Variants in LRRC34 observed in about 807,000 individuals in gnomAD.
The protein encoded by LRRC34 is leucine rich repeat containing 34.
In LRRC34, 44 loss-of-function variants were observed where a neutral mutation model predicts 48.5. That is an observed-to-expected ratio of 0.91 (90% CI 0.71 to 1.17). The LOEUF (loss-of-function observed/expected upper bound fraction) is 1.17, where lower values mean the gene tolerates loss of function less well. LRRC34 is among the 50% of genes most tolerant of loss of function. The probability of loss-of-function intolerance (pLI) is 0.00; values close to 1 mark genes in which losing one functional copy is unlikely to be tolerated. For synonymous variants in LRRC34, 192 were observed against 197.6 expected, an observed-to-expected ratio of 0.97 and a Z score of 0.24; for missense variants, 502 against 563.0, an observed-to-expected ratio of 0.89 and a Z score of 1.10.
intron 5 of LRRC34, among the ~76,000 whole-genome samples, chr3:169,806,316 T>TA (rs552128058): frequency 4.2e-4 from 64 of 152,228 alleles, no homozygotes; most frequent in Non-Finnish European, 8.7e-4. Flanking sequence ...GTAAAACTCT[T>TA]AAAAAAACAT....
At position 169,793,839 on chromosome 3, in the gene LRRC34, C is replaced by T; in HGVS notation, c.1192-1G>A. The T allele has an allele frequency of 6.3e-7, 1 of 1,592,518 alleles. No individual in the cohort carries two copies. Among genetic ancestry groups the T allele is most frequent in the Non-Finnish European group, 8.5e-7 (1 of 1,171,854 alleles). On this transcript the variant is annotated splice_acceptor_variant, in intron 10 of 10. Transcript: ENST00000446859. LOFTEE classifies it high-confidence loss of function. ...CCATTTGAATTAAGTCTGAATATGCCTAGGATTTTTAGGAAAAAAACTATA... is the reference window on the plus strand; with the variant it reads ...CCATTTGAATTAAGTCTGAATATGCTTAGGATTTTTAGGAAAAAAACTATA...
chr3:169,810,656 TAAG>T (rs1779529194), intron 1 of LRRC34, among the ~76,000 whole-genome samples: 1 of 152,176 alleles, frequency 6.6e-6, no homozygotes, highest in Admixed American at 6.6e-5. Flanking sequence ...TATTATCAAG[TAAG>T]TCTGAGAAGT....
chr3:169,808,619 CTT>C lies in LRRC34; in HGVS notation c.257+7_257+8del, dbSNP rs765963815. ...ACTATTAATGTAATCAAGTATTTGT[CTT>C]TCTTACCCCTTTTTAATTTCTTCAT... On this transcript the variant is annotated splice_region_variant and intron_variant, in intron 2 of 10. Transcript: ENST00000446859. The C allele has an allele frequency of 9.7e-6, 13 of 1,334,824 alleles. No individual in the cohort carries two copies. The highest frequency in any genetic ancestry group is 1.4e-5 in the Non-Finnish European group (13 of 944,986). The allele number at this position is 1,334,824 out of a possible 1,614,324, so 82.7% of individuals were successfully genotyped here.
Position 169,796,729 on chromosome 3 carries a change from GTAAATTA to G in LRRC34, c.908+9_908+15del, listed in dbSNP as rs751418095. 10 of 1,597,712 alleles carry G rather than the reference GTAAATTA, an allele frequency of 6.3e-6. No homozygotes were observed. On this transcript the variant is annotated intron_variant, in intron 8 of 10. Transcript: ENST00000446859. ...TTATTTAACTTTGAATTATTAATGT[GTAAATTA>G]TCACTTACCAGCTGACATCAAGGTA...
chr3:169,798,720 C>A (rs1779081854), intron 7 of LRRC34, among the ~76,000 whole-genome samples: 1 of 152,186 alleles, frequency 6.6e-6, no homozygotes, highest in South Asian at 2.1e-4. Context: ...TATATATAAA[C>A]ATATTTCCAC....
intron 1 of LRRC34, among the ~76,000 whole-genome samples, chr3:169,811,370 C>T (rs1430585667): frequency 6.6e-6 from 1 of 152,172 alleles, no homozygotes; most frequent in Non-Finnish European, 1.5e-5. Context: ...AACAAGCTAG[C>T]CAGAGATTTA....
chr3:169,797,570 A>G (rs1469833534), intron 7 of LRRC34, among the ~76,000 whole-genome samples: 3 of 152,156 alleles, frequency 2.0e-5, no homozygotes, highest in African/African-American at 7.2e-5. Context: ...ATCAAAGCAT[A>G]TTTTCAAATG....
intron 5 of LRRC34, among the ~76,000 whole-genome samples, chr3:169,804,772 A>G (rs1779317115): frequency 6.6e-6 from 1 of 152,268 alleles, no homozygotes. Flanking sequence ...TAAGAAAATT[A>G]TAGCACTTCA....
At chr3:169,806,448 G>A (rs953508646) in intron 5 of LRRC34, among the ~76,000 whole-genome samples, 3 of 152,112 alleles carry the variant, frequency 2.0e-5, no homozygotes, top group Admixed American at 6.6e-5. Flanking sequence ...ATAGAGAGAC[G>A]AAGTAGGTTA....
Position 169,800,765 on chromosome 3 carries a change from G to A in LRRC34, c.658-11C>T, listed in dbSNP as rs1264029538. On this transcript the variant is annotated splice_polypyrimidine_tract_variant and intron_variant, in intron 6 of 10. Coordinates refer to ENST00000446859, the MANE Select transcript of LRRC34 (RefSeq NM_001172779.2). ...CACACTTTGCATTCCCTAAAAACAG[G>A]TAAATTCATTAAGGAAACAGACAAA... is the stretch of plus-strand genomic sequence containing the variant. The A allele has an allele frequency of 4.0e-6, 6 of 1,495,308 alleles. No individual in the cohort carries two copies. In the African/African-American group the frequency reaches 4.2e-5, roughly 10 times the overall value. 92.6% of individuals were successfully genotyped at this position (1,495,308 alleles called of 1,614,324 possible). A position where few individuals can be genotyped will look rare whatever the true frequency, so the allele number is the denominator to read the frequency against.
chr3:169,808,104 G>A (rs1429075793), intron 2 of LRRC34: 1 of 162,336 alleles, frequency 6.2e-6, no homozygotes, highest in Non-Finnish European at 1.3e-5. Context: ...CCTGAGGTCA[G>A]AAGTTCGAGA....
rs368944791 is a variant in LRRC34 at position 169,812,142 on chromosome 3, C to A, written c.139+268G>T. Among the ~76,000 whole-genome samples, 105 of 150,896 alleles carry A rather than the reference C, an allele frequency of 7.0e-4. No individual in the cohort carries two copies. Among genetic ancestry groups the A allele is most frequent in the African/African-American group, 2.3e-3 (96 of 41,032 alleles). On this transcript the variant is annotated intron_variant, in intron 1 of 10. Coordinates refer to ENST00000446859, the MANE Select transcript of LRRC34 (RefSeq NM_001172779.2). This position sits in a 1 kb window ranked among gnomAD's most constrained non-coding sequence, Gnocchi z 4.3. ...ACGGCGACAGACACCATCTGCACAA[C>A]CTATCGCGCAAAGGGCGGACCCACG...
intron 8 of LRRC34, 95 bp from the exon 9 acceptor site, chr3:169,796,464 TTAGTA>T: frequency 7.4e-7 from 1 of 1,351,348 alleles, no homozygotes; most frequent in Non-Finnish European, 1.0e-6. Context: ...ACTTTCTGTT[TTAGTA>T]AAGGTTTATT....
chr3:169,796,172 T>G, intron 9 of LRRC34, 42 bp downstream of exon 9: 3 of 1,552,284 alleles, frequency 1.9e-6, no homozygotes, highest in Non-Finnish European at 2.6e-6. Flanking sequence ...ATTTAAAAAT[T>G]TGCTTTTCTG....
intron 8 of LRRC34, 21 bp from the exon 9 acceptor site, chr3:169,796,390 AT>A (rs1353831145): frequency 2.5e-6 from 4 of 1,586,438 alleles, no homozygotes; most frequent in African/African-American, 1.4e-5. Flanking sequence ...AAAAATAGTT[AT>A]ATTTGAAAAT....
chr3:169,798,281 G>A (rs932094527), intron 7 of LRRC34, among the ~76,000 whole-genome samples: 1 of 152,220 alleles, frequency 6.6e-6, no homozygotes, highest in Non-Finnish European at 1.5e-5. Context: ...GTCAGAAATA[G>A]TAAAGGGTTT....
chr3:169,801,983 G>T (rs1187629443), intron 6 of LRRC34, among the ~76,000 whole-genome samples: 14 of 151,942 alleles, frequency 9.2e-5, no homozygotes, highest in Admixed American at 9.2e-4. Flanking sequence ...TGTATTTTTT[G>T]TAGAGACGGT....
At chr3:169,802,848 G>T (rs1260472633) in intron 6 of LRRC34, among the ~76,000 whole-genome samples, 1 of 151,950 alleles carries the variant, frequency 6.6e-6, no homozygotes, top group Non-Finnish European at 1.5e-5. Context: ...GTGGTGGCAG[G>T]CACCTGTAAT....
intron 1 of LRRC34, among the ~76,000 whole-genome samples, chr3:169,810,720 A>G (rs991315830): frequency 6.6e-6 from 1 of 152,244 alleles, no homozygotes; most frequent in African/African-American, 2.4e-5. Flanking sequence ...AGGGCATTTA[A>G]AACGTGCACA....
Sources: gnomAD v4.1 joint callset for allele counts (sites outside exome capture counted in the v4.1 genomes callset) on GRCh38, gnomAD v4.1.1 for gene constraint, Gnocchi (gnomAD v3.1) non-coding constraint, MANE v1.5 for transcripts, NCBI Gene and HGNC (gene_info 2026-07-23, HGNC 2026-07-21) for gene names.